Variants in EPHA6 observed in about 807,000 individuals in gnomAD.
EPHA6 encodes the protein EPH receptor A6.
EPHA6 carries 50 observed loss-of-function variants against 112.0 expected under a neutral mutation model. That is an observed-to-expected ratio of 0.45 (90% CI 0.36 to 0.56). The LOEUF is 0.56. Among genes scored for constraint, EPHA6 ranks in the 20% least tolerant of loss-of-function variants. The probability of loss-of-function intolerance (pLI) is 0.00; values close to 1 mark genes in which losing one functional copy is unlikely to be tolerated. For synonymous variants in EPHA6, 529 were observed against 490.7 expected, an observed-to-expected ratio of 1.08 and a Z score of -1.03; for missense variants, 1,280 against 1,417.4, an observed-to-expected ratio of 0.90 and a Z score of 1.56.
At chr3:97,098,065 C>A (rs1408511640) in intron 3 of EPHA6, among the ~76,000 whole-genome samples, 2 of 151,822 alleles carry the variant, frequency 1.3e-5, no homozygotes, top group Non-Finnish European at 2.9e-5. Context: ...TACAACATAC[C>A]AAGCACTCTT....
At chr3:97,020,968 G>C (rs931342568) in intron 3 of EPHA6, among the ~76,000 whole-genome samples, 1 of 151,926 alleles carries the variant, frequency 6.6e-6, no homozygotes, top group Non-Finnish European at 1.5e-5. Flanking sequence ...TGTTGATAAA[G>C]TGTTTTCTTC....
intron 3 of EPHA6, among the ~76,000 whole-genome samples, chr3:97,119,944 AC>A: frequency 6.6e-6 from 1 of 151,988 alleles, no homozygotes; most frequent in Non-Finnish European, 1.5e-5. Context: ...GAATGCTGAG[AC>A]TCATTTGCTG....
intron 3 of EPHA6, among the ~76,000 whole-genome samples, chr3:97,124,087 G>C (rs74799240): frequency 0.013 from 1,996 of 152,040 alleles, 38 homozygotes; most frequent in African/African-American, 0.043. Flanking sequence ...AAAATTAATT[G>C]CTACATTTCT....
intron 4 of EPHA6, among the ~76,000 whole-genome samples, chr3:97,234,125 T>G (rs1312672274): frequency 6.6e-6 from 1 of 152,086 alleles, no homozygotes; most frequent in African/African-American, 2.4e-5. Flanking sequence ...GATTATTAGG[T>G]GTCTCAAATG....
intron 5 of EPHA6, among the ~76,000 whole-genome samples, chr3:97,319,011 A>G (rs2081977332): frequency 6.6e-6 from 1 of 151,986 alleles, no homozygotes; most frequent in South Asian, 2.1e-4. Context: ...GTATGATTTC[A>G]AACTTGACAA....
At chr3:97,486,054 C>G (rs1217353789) in intron 10 of EPHA6, among the ~76,000 whole-genome samples, 6 of 152,032 alleles carry the variant, frequency 3.9e-5, no homozygotes, top group African/African-American at 1.4e-4. Flanking sequence ...ATAAATTGTT[C>G]TCTTAAAAAA....
At chr3:97,273,485 A>C (rs566278712) in intron 5 of EPHA6, among the ~76,000 whole-genome samples, 4 of 152,198 alleles carry the variant, frequency 2.6e-5, no homozygotes, top group African/African-American at 9.7e-5. Flanking sequence ...GGGGCCTAAT[A>C]AAAAGGAGCA....
At chr3:97,327,166 G>A (rs2082469784) in intron 5 of EPHA6, among the ~76,000 whole-genome samples, 1 of 152,014 alleles carries the variant, frequency 6.6e-6, no homozygotes, top group Non-Finnish European at 1.5e-5. Context: ...GTGATAAACA[G>A]TAAATTACAT....
chr3:97,534,454 C>G (rs893551408), intron 11 of EPHA6, among the ~76,000 whole-genome samples: 3 of 148,952 alleles, frequency 2.0e-5, no homozygotes, highest in East Asian at 3.9e-4. Flanking sequence ...TAAAACCCAC[C>G]CCCCCCTTTT....
chr3:97,004,066 C>T (rs2043783369), intron 3 of EPHA6, among the ~76,000 whole-genome samples: 1 of 152,036 alleles, frequency 6.6e-6, no homozygotes, highest in African/African-American at 2.4e-5. Flanking sequence ...TGGTTTGGTT[C>T]CATGTCTTTG....
At chr3:96,978,698 T>TA (rs576606303) in intron 2 of EPHA6, among the ~76,000 whole-genome samples, 16 of 151,266 alleles carry the variant, frequency 1.1e-4, no homozygotes, top group African/African-American at 2.4e-4. Context: ...AAACTCAGTG[T>TA]AAAAAAAAAT....
chr3:97,276,485 G>A (rs1227550405), intron 5 of EPHA6, among the ~76,000 whole-genome samples: 4 of 152,244 alleles, frequency 2.6e-5, no homozygotes, highest in African/African-American at 7.2e-5. Flanking sequence ...ACACCTGGCC[G>A]ACTGCGGTTC....
At chr3:97,305,843 C>T (rs970515897) in intron 5 of EPHA6, among the ~76,000 whole-genome samples, 12 of 151,698 alleles carry the variant, frequency 7.9e-5, no homozygotes, top group East Asian at 1.9e-4. Context: ...CAAACCTGCA[C>T]GTCCTGCACA....
intron 15 of EPHA6, 77 bp from the exon 16 acceptor site, chr3:97,735,848 G>T: frequency 9.0e-7 from 1 of 1,116,048 alleles, no homozygotes; most frequent in Non-Finnish European, 1.2e-6. Flanking sequence ...GGCTTCTTCT[G>T]CTTGTAAAAA....
intron 5 of EPHA6, among the ~76,000 whole-genome samples, chr3:97,326,680 T>G (rs1017094324): frequency 6.6e-6 from 1 of 152,068 alleles, no homozygotes; most frequent in Non-Finnish European, 1.5e-5. Context: ...GCAAATGGTC[T>G]TGGTAGAAAT....
At chr3:96,838,833 C>A (rs1403657463) in intron 1 of EPHA6, among the ~76,000 whole-genome samples, 2 of 151,752 alleles carry the variant, frequency 1.3e-5, no homozygotes, top group African/African-American at 4.8e-5. Flanking sequence ...GTTGAAAGCC[C>A]CTCCCCCAAT....
At chr3:97,245,067 G>A (rs1175940626) in intron 5 of EPHA6, among the ~76,000 whole-genome samples, 1 of 152,010 alleles carries the variant, frequency 6.6e-6, no homozygotes, top group Non-Finnish European at 1.5e-5. Flanking sequence ...ATAGTAGAAA[G>A]TATTGTAAAT....
intron 3 of EPHA6, among the ~76,000 whole-genome samples, chr3:97,072,461 AACAGATTCTTTATC>A (rs2046390687): frequency 6.6e-6 from 1 of 152,112 alleles, no homozygotes; most frequent in African/African-American, 2.4e-5. Context: ...GGAGGCACGG[AACAGATTCTTTATC>A]ACAGCCGTTA....
chr3:97,186,747 G>A (rs193213041), intron 3 of EPHA6, among the ~76,000 whole-genome samples: 7 of 152,078 alleles, frequency 4.6e-5, no homozygotes, highest in African/African-American at 9.6e-5. Flanking sequence ...TGAAAAAATA[G>A]CCATTTTATT....
Sources: gnomAD v4.1 joint callset for allele counts (sites outside exome capture counted in the v4.1 genomes callset) on GRCh38, gnomAD v4.1.1 for gene constraint, MANE v1.5 for transcripts, NCBI Gene and HGNC (gene_info 2026-07-23, HGNC 2026-07-21) for gene names.